The following DCDC1 variants were observed in gnomAD, a reference collection of about 807,000 sequenced individuals.
DCDC1 encodes the protein doublecortin domain containing 1.
In DCDC1, 200 loss-of-function variants were observed where a neutral mutation model predicts 178.3. The ratio of observed to expected loss-of-function variants is 1.12; its 90% CI spans 1.00 to 1.26. DCDC1 has a LOEUF of 1.26. Among genes scored for constraint, DCDC1 ranks in the 50% most tolerant of loss-of-function variants. DCDC1 has a pLI of 0.00. For missense variants in DCDC1, 1,983 were observed against 1,749.2 expected (o/e 1.13, Z -2.38); for synonymous variants, 690 against 604.8 (o/e 1.14, Z -2.07).
At chr11:30,968,447 T>A (rs565019308) in intron 20 of DCDC1, among the ~76,000 whole-genome samples, 6 of 152,046 alleles carry the variant, frequency 3.9e-5, no homozygotes, top group African/African-American at 1.4e-4. Context: ...AAGGGAAAAC[T>A]CTTGTTGAAA....
At chr11:31,212,444 T>A (rs1972676919) in intron 9 of DCDC1, among the ~76,000 whole-genome samples, 1 of 152,102 alleles carries the variant, frequency 6.6e-6, no homozygotes, top group African/African-American at 2.4e-5. Flanking sequence ...ATATAACAGG[T>A]AATTTAAACA....
intron 36 of DCDC1, among the ~76,000 whole-genome samples, chr11:30,888,298 A>G (rs1943483530): frequency 6.6e-6 from 1 of 152,228 alleles, no homozygotes; most frequent in African/African-American, 2.4e-5. Flanking sequence ...TTGTGCCTGG[A>G]AATGTAATGC....
rs1411160936 is a variant in DCDC1 at position 31,122,031 on chromosome 11, T to C, written c.1485+5438A>G. ...GAAAAGATGTGGCCCTTGCCCACAG[T>C]GAGTCAGAGGTAACTGAGTTAGAGA... On this transcript the variant is annotated intron_variant, in intron 11 of 38. Transcript: ENST00000684477. Among the ~76,000 whole-genome samples, 4 of 152,218 alleles carry C rather than the reference T, an allele frequency of 2.6e-5. No homozygotes were observed. The East Asian group carries it at 7.7e-4, about 29-fold the overall frequency.
intron 9 of DCDC1, among the ~76,000 whole-genome samples, chr11:31,159,468 A>C (rs1405543062): frequency 6.6e-6 from 1 of 152,176 alleles, no homozygotes; most frequent in Non-Finnish European, 1.5e-5. Flanking sequence ...TTCCTAGCTC[A>C]ATACTACTAC....
chr11:30,881,089 C>T, intron 37 of DCDC1, 69 bp downstream of exon 37: 1 of 1,543,702 alleles, frequency 6.5e-7, no homozygotes, highest in Non-Finnish European at 8.8e-7. Context: ...GGGATATAAG[C>T]TCTTCCAAGA....
chr11:31,077,777 C>A (rs1956952807), intron 18 of DCDC1, 88 bp downstream of exon 18: 2 of 663,262 alleles, frequency 3.0e-6, no homozygotes, highest in Non-Finnish European at 2.7e-6. Context: ...AAAAGCATTT[C>A]TTGCTCTAAA....
At chr11:30,998,652 G>A (rs1173951290) in intron 20 of DCDC1, among the ~76,000 whole-genome samples, 2 of 152,068 alleles carry the variant, frequency 1.3e-5, no homozygotes, top group Non-Finnish European at 2.9e-5. Flanking sequence ...CTAAATTAGT[G>A]GGCAGAACTT....
intron 15 of DCDC1, among the ~76,000 whole-genome samples, chr11:31,100,602 T>C (rs1403712488): frequency 6.6e-6 from 1 of 152,068 alleles, no homozygotes; most frequent in Non-Finnish European, 1.5e-5. Context: ...CAAAGAACAA[T>C]ACAAGCCATG....
At chr11:31,141,929 A>T (rs1160747083) in intron 9 of DCDC1, among the ~76,000 whole-genome samples, 1 of 152,222 alleles carries the variant, frequency 6.6e-6, no homozygotes, top group African/African-American at 2.4e-5. Context: ...GTTACTGAAA[A>T]GAGCTCCGTA....
At position 31,221,866 on chromosome 11, in the gene DCDC1, C is replaced by T. The variant is rs369199243; in HGVS notation, c.1221+19584G>A. On this transcript the variant is annotated intron_variant, in intron 9 of 38. Coordinates refer to ENST00000684477, the MANE Select transcript of DCDC1 (RefSeq NM_001387274.1). ...TTAACAATTCTTTCAATTCATCTCT[C>T]TCCTTTCACATTTTATTATAAGTAG... Among the ~76,000 whole-genome samples the T allele has an allele frequency of 1.1e-3, 165 of 152,262 alleles. 3 individuals are homozygous for T. The South Asian group carries it at 0.033, about 31-fold the overall frequency.
chr11:31,065,123 C>T lies in DCDC1; in HGVS notation c.2329G>A (p.Glu777Lys). The T allele has an allele frequency of 1.3e-6, 1 of 764,486 alleles. No homozygotes were observed. Among genetic ancestry groups the T allele is most frequent in the Non-Finnish European group, 2.4e-6 (1 of 417,206 alleles). 47.4% of individuals were successfully genotyped at this position (764,486 alleles called of 1,614,324 possible). ...ACATCTACTTGTGCATTTAGCTCCT[C>T]TAGGTAGGTCAGAACAAACTGAGGA... ...AYPQFVLTYL[E>K]ELNAQVDVTQ... Residue 777 changes from glutamate (E) to lysine (K), a missense_variant, in exon 19 of 39, where the codon GAG becomes AAG. By Grantham distance (56) the Glu-to-Lys change is moderately conservative. Coordinates refer to ENST00000684477, the MANE Select transcript of DCDC1 (RefSeq NM_001387274.1).
chr11:31,163,394 T>C (rs1966485597), intron 9 of DCDC1, among the ~76,000 whole-genome samples: 1 of 152,170 alleles, frequency 6.6e-6, no homozygotes, highest in African/African-American at 2.4e-5. Context: ...TGATGTCTTA[T>C]ATCAAAAAAA....
intron 17 of DCDC1, among the ~76,000 whole-genome samples, chr11:31,084,912 C>T (rs915733970): frequency 6.7e-6 from 1 of 148,492 alleles, no homozygotes; most frequent in African/African-American, 2.5e-5. Flanking sequence ...AGGTAATGGG[C>T]TTAGCCTCAA....
At chr11:31,362,161 T>G (rs897380950) in intron 1 of DCDC1, among the ~76,000 whole-genome samples, 1 of 152,184 alleles carries the variant, frequency 6.6e-6, no homozygotes, top group Non-Finnish European at 1.5e-5. Flanking sequence ...TTCACAGATT[T>G]TTAAGATTCT....
At chr11:31,176,691 C>T (rs1489448377) in intron 9 of DCDC1, among the ~76,000 whole-genome samples, 1 of 152,108 alleles carries the variant, frequency 6.6e-6, no homozygotes, top group Non-Finnish European at 1.5e-5. Context: ...GGCCATTAGA[C>T]TATCAGCAGA....
chr11:30,894,745 A>G (rs969955568), intron 34 of DCDC1, among the ~76,000 whole-genome samples: 2 of 152,150 alleles, frequency 1.3e-5, no homozygotes, highest in Non-Finnish European at 2.9e-5. Context: ...CTTGGAACAT[A>G]TGTTTTGTTC....
intron 11 of DCDC1, among the ~76,000 whole-genome samples, chr11:31,111,283 T>A (rs546551104): frequency 6.6e-6 from 1 of 151,746 alleles, no homozygotes; most frequent in East Asian, 1.9e-4. Flanking sequence ...GAAGAATATT[T>A]ATTTAAAAAT....
chr11:30,980,216 A>C (rs290094), intron 20 of DCDC1, among the ~76,000 whole-genome samples: 3,507 of 152,240 alleles, frequency 0.023, 148 homozygotes, highest in African/African-American at 0.081. Flanking sequence ...ATTTTGTAAA[A>C]TGCAGAACAA....
Position 30,972,682 on chromosome 11 carries a change from G to A in DCDC1, c.2592-20114C>T, listed in dbSNP as rs578104047. The stretch of plus-strand genomic sequence containing the variant: ...AAAACAAAAAAAGAATTAATAAATT[G>A]ACAAAAATAAGTCCTCACATCATAA... On this transcript the variant is annotated intron_variant, in intron 20 of 38. Transcript: ENST00000684477. Among the ~76,000 whole-genome samples the A allele has an allele frequency of 2.1e-4, 32 of 152,066 alleles. 1 individual carries two copies. Among genetic ancestry groups the A allele is most frequent in the Non-Finnish European group, 4.0e-4 (27 of 67,986 alleles).
Sources: allele counts gnomAD v4.1 joint callset (sites outside exome capture counted in the v4.1 genomes callset), GRCh38; gene constraint gnomAD v4.1.1; transcripts MANE v1.5; gene names NCBI Gene and HGNC (gene_info 2026-07-23, HGNC 2026-07-21).